Variants in EYA4 observed in about 807,000 individuals in gnomAD.
EYA4 encodes EYA transcriptional coactivator and phosphatase 4.
A neutral mutation model predicts 87.9 loss-of-function variants in EYA4; 31 were observed. The observed-to-expected ratio is 0.35, with a 90% CI of 0.27 to 0.48. EYA4 has a LOEUF of 0.48. Ranked by LOEUF, EYA4 falls within the 20% of genes least tolerant of loss-of-function variation. The probability of loss-of-function intolerance (pLI) is 0.99; values close to 1 mark genes in which losing one functional copy is unlikely to be tolerated. For synonymous variants in EYA4, 263 were observed against 270.6 expected (o/e 0.97, Z 0.28); for missense variants, 678 against 761.4 (o/e 0.89, Z 1.29).
intron 3 of EYA4, among the ~76,000 whole-genome samples, chr6:133,421,366 G>GC (rs1214271515): frequency 6.6e-6 from 1 of 152,158 alleles, no homozygotes; most frequent in Non-Finnish European, 1.5e-5. Context: ...ACTCAAACAT[G>GC]CCACGGAGTC....
chr6:133,343,299 T>A (rs2765783), intron 2 of EYA4, among the ~76,000 whole-genome samples: 92,076 of 151,972 alleles, frequency 0.61, 28,131 homozygotes, highest in South Asian at 0.64. Flanking sequence ...GTGACCTTTC[T>A]TTTACTTTAG....
intron 3 of EYA4, among the ~76,000 whole-genome samples, chr6:133,440,155 CTT>C (rs1792128560): frequency 6.6e-6 from 1 of 152,168 alleles, no homozygotes; most frequent in African/African-American, 2.4e-5. Flanking sequence ...TTGAACAACT[CTT>C]TATAAAATGT....
intron 2 of EYA4, among the ~76,000 whole-genome samples, chr6:133,352,398 GAAACAAC>G (rs1404571837): frequency 6.6e-6 from 1 of 152,056 alleles, no homozygotes; most frequent in Non-Finnish European, 1.5e-5. Context: ...GGTAAACAAT[GAAACAAC>G]ATGGAAAATG....
chr6:133,528,051 G>A (rs1800778803), intron 19 of EYA4, among the ~76,000 whole-genome samples: 1 of 151,950 alleles, frequency 6.6e-6, no homozygotes, highest in African/African-American at 2.4e-5. Context: ...AAGATTTTCT[G>A]CCCCACAAGA....
chr6:133,425,862 G>A (rs1790625903), intron 3 of EYA4, among the ~76,000 whole-genome samples: 1 of 150,698 alleles, frequency 6.6e-6, no homozygotes, highest in Non-Finnish European at 1.5e-5. Context: ...GCTCCTCATT[G>A]CCTGTAGGCT....
intron 2 of EYA4, among the ~76,000 whole-genome samples, chr6:133,361,504 C>T (rs375434181): frequency 1.3e-5 from 2 of 152,050 alleles, no homozygotes; most frequent in Non-Finnish European, 2.9e-5. Flanking sequence ...AGTCTCTGAC[C>T]GAGAAGTCTT....
intron 2 of EYA4, among the ~76,000 whole-genome samples, chr6:133,288,499 A>G (rs376969571): frequency 1.3e-5 from 2 of 152,200 alleles, no homozygotes; most frequent in African/African-American, 2.4e-5. Flanking sequence ...GCAGGTATCA[A>G]TGACTTAAGG....
At chr6:133,412,311 A>G (rs1269601131) in intron 3 of EYA4, among the ~76,000 whole-genome samples, 2 of 152,228 alleles carry the variant, frequency 1.3e-5, no homozygotes, top group Non-Finnish European at 2.9e-5. Flanking sequence ...AGAAAATTAT[A>G]CATATCATAA....
intron 2 of EYA4, among the ~76,000 whole-genome samples, chr6:133,350,652 C>A (rs77420412): frequency 0.089 from 13,540 of 151,884 alleles, 773 homozygotes; most frequent in East Asian, 0.16. Context: ...GGAAGTTGGC[C>A]CCTGTGGCTC....
chr6:133,531,043 C>T lies in EYA4; in HGVS notation c.*2238C>T. ...AAATGTTGATAGAATTGTGGCATTACATCTAAATTTGTAAGTCTTTTCATA... is the reference window on the plus strand; with the variant it reads ...AAATGTTGATAGAATTGTGGCATTATATCTAAATTTGTAAGTCTTTTCATA... On this transcript the variant is annotated 3_prime_UTR_variant, in exon 20 of 20. Coordinates refer to ENST00000355286, the MANE Select transcript of EYA4 (RefSeq NM_004100.5). 7.2e-7 allele frequency: 1 copy of T among 1,388,838 alleles called. No homozygotes were observed. The highest frequency in any genetic ancestry group is 9.3e-7 in the Non-Finnish European group (1 of 1,074,026). 86.0% of individuals were successfully genotyped at this position (1,388,838 alleles called of 1,614,324 possible). A position where few individuals can be genotyped will look rare whatever the true frequency, so the allele number is the denominator to read the frequency against.
chr6:133,425,598 T>C (rs1049739255), intron 3 of EYA4, among the ~76,000 whole-genome samples: 4 of 150,822 alleles, frequency 2.7e-5, no homozygotes, highest in African/African-American at 9.9e-5. Context: ...ACCTGAATTA[T>C]TTTTGTAATG....
intron 2 of EYA4, among the ~76,000 whole-genome samples, chr6:133,357,096 C>T (rs1784114069): frequency 6.6e-6 from 1 of 151,536 alleles, no homozygotes; most frequent in African/African-American, 2.4e-5. Context: ...ACAGTGAAAC[C>T]CCGTCTCTAC....
intron 3 of EYA4, among the ~76,000 whole-genome samples, chr6:133,438,897 C>T (rs1791970068): frequency 6.6e-6 from 1 of 151,564 alleles, no homozygotes; most frequent in South Asian, 2.1e-4. Context: ...AAAAAATTAG[C>T]CGGGCGTGGT....
At chr6:133,513,754 T>G (rs1799360877) in intron 16 of EYA4, among the ~76,000 whole-genome samples, 1 of 152,120 alleles carries the variant, frequency 6.6e-6, no homozygotes, top group Admixed American at 6.5e-5. Flanking sequence ...GTAAACAAGA[T>G]TCCTAAAATT....
At chr6:133,352,664 A>G (rs1280729769) in intron 2 of EYA4, among the ~76,000 whole-genome samples, 1 of 152,168 alleles carries the variant, frequency 6.6e-6, no homozygotes, top group Non-Finnish European at 1.5e-5. Context: ...AGAAAGCATT[A>G]AAAAGAAAAT....
chr6:133,515,116 A>T (rs917877320), intron 16 of EYA4, among the ~76,000 whole-genome samples: 1 of 152,238 alleles, frequency 6.6e-6, no homozygotes, highest in South Asian at 2.1e-4. Context: ...CCTGAGACCT[A>T]GAAGTTCAGT....
chr6:133,408,455 A>G (rs929605515), intron 3 of EYA4, among the ~76,000 whole-genome samples: 2 of 152,238 alleles, frequency 1.3e-5, no homozygotes, highest in Non-Finnish European at 2.9e-5. Context: ...ATCTACGCAT[A>G]AGATTAAATG....
chr6:133,433,572 TCTCCATCTCTTGAC>T (rs1264046390), intron 3 of EYA4, among the ~76,000 whole-genome samples: 1 of 152,206 alleles, frequency 6.6e-6, no homozygotes, highest in African/African-American at 2.4e-5. Flanking sequence ...GCCAGGATGG[TCTCCATCTCTTGAC>T]CTCATGATCC....
chr6:133,456,935 A>T (rs1284169001), intron 6 of EYA4, among the ~76,000 whole-genome samples: 1 of 151,898 alleles, frequency 6.6e-6, no homozygotes, highest in Non-Finnish European at 1.5e-5. Context: ...TACGATGTTT[A>T]ATTAATTTAA....
Sources: gnomAD v4.1 joint callset for allele counts (sites outside exome capture counted in the v4.1 genomes callset) on GRCh38, gnomAD v4.1.1 for gene constraint, MANE v1.5 for transcripts, NCBI Gene and HGNC (gene_info 2026-07-23, HGNC 2026-07-21) for gene names.